The following IL3RA variants were observed in gnomAD, a reference collection of about 807,000 sequenced individuals.
IL3RA encodes interleukin 3 receptor subunit alpha.
Under a neutral mutation model 52.3 loss-of-function variants are expected in IL3RA, and 73 were observed. That is an observed-to-expected ratio of 1.40 (90% CI 1.16 to 1.70). The LOEUF is 1.70. IL3RA is among the 40% of genes most tolerant of loss of function. The probability of loss-of-function intolerance (pLI) is 0.00; values close to 1 mark genes in which losing one functional copy is unlikely to be tolerated. For synonymous variants in IL3RA, 260 were observed against 194.0 expected, an observed-to-expected ratio of 1.34 and a Z score of -2.83; for missense variants, 664 against 504.4, an observed-to-expected ratio of 1.32 and a Z score of -3.03.
chrX:1,377,548 C>A (rs772371826), intron 9 of IL3RA, among the ~76,000 whole-genome samples: 1 of 151,602 alleles, frequency 6.6e-6, no homozygotes, highest in East Asian at 1.9e-4. Context: ...CGGCCAAATT[C>A]CTTTTTTCTG....
At chrX:1,347,670 AAAAC>A (rs1457878854) in intron 3 of IL3RA, among the ~76,000 whole-genome samples, 1 of 151,742 alleles carries the variant, frequency 6.6e-6, no homozygotes, top group Non-Finnish European at 1.5e-5. Context: ...AAAACAAAGC[AAAAC>A]AAACAGAAAA....
chrX:1,377,306 T>C (rs2088832685), intron 9 of IL3RA, among the ~76,000 whole-genome samples: 1 of 152,134 alleles, frequency 6.6e-6, no homozygotes, highest in South Asian at 2.1e-4. Flanking sequence ...AGTGGCGTGA[T>C]CTTGGCTCAC....
chrX:1,350,177 G>A (rs1170285409), intron 4 of IL3RA, among the ~76,000 whole-genome samples: 18 of 152,042 alleles, frequency 1.2e-4, no homozygotes, highest in Non-Finnish European at 2.4e-4. Context: ...TGGGGAGGCC[G>A]GGCGCAGTGG....
chrX:1,359,710 C>G (rs2087031490), intron 8 of IL3RA, among the ~76,000 whole-genome samples: 1 of 150,976 alleles, frequency 6.6e-6, no homozygotes, highest in Admixed American at 6.6e-5. Flanking sequence ...CTCCATCTCT[C>G]TCTCCCTGTC....
At chrX:1,360,468 CT>C (rs1235359020) in intron 8 of IL3RA, among the ~76,000 whole-genome samples, 8 of 151,576 alleles carry the variant, frequency 5.3e-5, no homozygotes, top group Non-Finnish European at 1.0e-4. Flanking sequence ...ATATCTCCCC[CT>C]CTCCCAGTCT....
At chrX:1,362,593 C>G (rs1375420675) in intron 8 of IL3RA, among the ~76,000 whole-genome samples, 1 of 150,992 alleles carries the variant, frequency 6.6e-6, no homozygotes, top group Non-Finnish European at 1.5e-5. Flanking sequence ...CTCTCTGTCT[C>G]TCCCTGTCTG....
intron 11 of IL3RA, 48 bp from the exon 12 acceptor site, chrX:1,382,343 G>C (rs745587615): frequency 6.5e-6 from 9 of 1,382,014 alleles, no homozygotes; most frequent in South Asian, 1.2e-5. Context: ...CGTGGGCTCT[G>C]TTATCTGGGG....
intron 2 of IL3RA, among the ~76,000 whole-genome samples, chrX:1,342,709 C>T (rs551101244): frequency 2.5e-4 from 38 of 151,200 alleles, no homozygotes; most frequent in African/African-American, 4.6e-4. Context: ...TACAGGTGTC[C>T]GCCACCACGC....
At position 1,352,139 on chromosome X, in the gene IL3RA, G is replaced by A. The variant is rs1293031677; in HGVS notation, c.338G>A (p.Trp113Ter). ...PWAGAENLTC[W>*]IHDVDFLSCS... ...GCAGGTGCGGAGAATCTGACCTGCT[G>A]GATTCATGACGTGGATTTCTTGAGC... Residue 113 changes from tryptophan (W) to a stop codon, truncating the protein, a stop_gained, in exon 5 of 12, where the codon TGG (tryptophan) becomes TAG (stop). Coordinates refer to ENST00000331035, the MANE Select transcript of IL3RA (RefSeq NM_002183.4). LOFTEE classifies it high-confidence loss of function. The A allele has an allele frequency of 1.2e-6, 2 of 1,613,714 alleles. No homozygotes were observed. Among genetic ancestry groups the A allele is most frequent in the Admixed American group, 3.3e-5 (2 of 59,974 alleles).
chrX:1,359,846 C>G (rs58523724), intron 8 of IL3RA, among the ~76,000 whole-genome samples: 18 of 149,144 alleles, frequency 1.2e-4, no homozygotes, highest in East Asian at 6.0e-4. Context: ...CTGTCTCCCC[C>G]CTCCCCATCT....
chrX:1,377,401 C>G (rs866129736), intron 9 of IL3RA, among the ~76,000 whole-genome samples: 1 of 151,974 alleles, frequency 6.6e-6, no homozygotes, highest in Non-Finnish European at 1.5e-5. Flanking sequence ...CCACCACACC[C>G]GGCTACTGTT....
In IL3RA at chrX:1,382,616, C is replaced by A; in HGVS notation, c.*151C>A. 1 of 704,364 alleles carries A rather than the reference C, an allele frequency of 1.4e-6. No homozygotes were observed. Among genetic ancestry groups the A allele is most frequent in the Non-Finnish European group, 2.6e-6 (1 of 392,080 alleles). 43.6% of individuals were successfully genotyped at this position (704,364 alleles called of 1,614,324 possible). On this transcript the variant is annotated 3_prime_UTR_variant, in exon 12 of 12. Coordinates refer to ENST00000331035, the MANE Select transcript of IL3RA (RefSeq NM_002183.4). Reference sequence around the variant, plus strand: ...TGGGAGATGCCTGTGTAATTTCGTCCGAAGCTGCCAGGAAGAAGAACAGAA... The same window carrying A: ...TGGGAGATGCCTGTGTAATTTCGTCAGAAGCTGCCAGGAAGAAGAACAGAA...
chrX:1,378,602 T>A, intron 9 of IL3RA, 57 bp from the exon 10 acceptor site: 3 of 1,457,576 alleles, frequency 2.1e-6, no homozygotes, highest in Non-Finnish European at 2.9e-6. Flanking sequence ...GAGCTTACAG[T>A]CCCTGGTCCC....
intron 2 of IL3RA, 35 bp from the exon 3 acceptor site, chrX:1,345,281 G>C (rs201957070): frequency 1.4e-6 from 2 of 1,420,310 alleles, no homozygotes; most frequent in Admixed American, 3.6e-5. Context: ...AGATTCTTAC[G>C]TATCTCTTCG....
Position 1,348,223 on chromosome X carries a change from G to A in IL3RA, c.184-208G>A, listed in dbSNP as rs752629355. Among the ~76,000 whole-genome samples the A allele has an allele frequency of 5.3e-5, 8 of 150,282 alleles. No individual in the cohort carries two copies. In the East Asian group the frequency reaches 7.8e-4, roughly 15 times the overall value. On this transcript the variant is annotated intron_variant, in intron 3 of 11. Transcript: ENST00000331035. ...TAAAAATTAGCTGGGCGTGGTGGCG[G>A]GCACCTGTAATCCCAGGTGCTCGGG...
chrX:1,341,496 A>C (rs1342790157), intron 1 of IL3RA, among the ~76,000 whole-genome samples: 1 of 152,086 alleles, frequency 6.6e-6, no homozygotes, highest in African/African-American at 2.4e-5. Flanking sequence ...ATATAGACCC[A>C]TGTACACACA....
chrX:1,369,138 A>G (rs2088429822), intron 9 of IL3RA, among the ~76,000 whole-genome samples: 2 of 17,310 alleles, frequency 1.2e-4, no homozygotes, highest in African/African-American at 3.8e-4. Context: ...AGAGGAGATG[A>G]GGACACAGAC....
At chrX:1,359,636 CT>C (rs1441208201) in intron 8 of IL3RA, among the ~76,000 whole-genome samples, 3 of 130,700 alleles carry the variant, frequency 2.3e-5, no homozygotes, top group African/African-American at 6.2e-5. Context: ...TTCCCTCTCT[CT>C]ATCTTTCTCT....
intron 3 of IL3RA, among the ~76,000 whole-genome samples, chrX:1,346,056 T>C (rs1787199112): frequency 6.6e-6 from 1 of 151,806 alleles, no homozygotes; most frequent in South Asian, 2.1e-4. Context: ...GGCTCACGTC[T>C]GTAATCCCAG....
Sources: gnomAD v4.1 joint callset for allele counts (sites outside exome capture counted in the v4.1 genomes callset) on GRCh38, gnomAD v4.1.1 for gene constraint, MANE v1.5 for transcripts, NCBI Gene and HGNC (gene_info 2026-07-23, HGNC 2026-07-21) for gene names.